The following SQSTM1 variants were observed in gnomAD, a reference collection of about 807,000 sequenced individuals.
SQSTM1 encodes sequestosome 1, also known as sequestosome-1.
A neutral mutation model predicts 45.1 loss-of-function variants in SQSTM1; 36 were observed. The observed-to-expected ratio is 0.80, with a 90% CI of 0.61 to 1.05. The LOEUF is 1.05. Among genes scored for constraint, SQSTM1 ranks in the 50% least tolerant of loss-of-function variants. The pLI, the probability that SQSTM1 is intolerant of heterozygous loss-of-function variation, is 0.00. For synonymous variants in SQSTM1, 290 were observed against 244.3 expected, an observed-to-expected ratio of 1.19 and a Z score of -1.74; for missense variants, 617 against 607.1, an observed-to-expected ratio of 1.02 and a Z score of -0.17.
chr5:179,817,031 GC>G (rs1757601054), upstream of SQSTM1, among the ~76,000 whole-genome samples: 1 of 152,010 alleles, frequency 6.6e-6, no homozygotes, highest in African/African-American at 2.4e-5. Flanking sequence ...CCCCGGGCAG[GC>G]CACTTCTGAC....
chr5:179,825,960 C>T (rs558293520), intron 5 of SQSTM1, among the ~76,000 whole-genome samples: 1 of 152,292 alleles, frequency 6.6e-6, no homozygotes, highest in South Asian at 2.1e-4. Context: ...TCTGTGATGG[C>T]AGATGGATCG....
At chr5:179,822,883 C>A in intron 1 of SQSTM1, 75 bp from the exon 2 acceptor site, 1 of 1,287,160 alleles carries the variant, frequency 7.8e-7, no homozygotes, top group Non-Finnish European at 1.1e-6. Context: ...TTCATACTTG[C>A]CTCAGCCCAT....
intron 1 of SQSTM1, among the ~76,000 whole-genome samples, chr5:179,822,311 G>C (rs1757812526): frequency 6.6e-6 from 1 of 152,064 alleles, no homozygotes; most frequent in South Asian, 2.1e-4. Flanking sequence ...GCCATGTTTT[G>C]TTTACCTGTT....
At chr5:179,833,315 C>T (rs2113511491) in intron 6 of SQSTM1, 69 bp downstream of exon 6, 1 of 1,427,716 alleles carries the variant, frequency 7.0e-7, no homozygotes, top group Non-Finnish European at 9.5e-7. Context: ...GCACCTCCGC[C>T]TCATCCTCAG....
Position 179,833,192 on chromosome 5 carries a change from G to C in SQSTM1, c.915G>C (p.Gln305His), listed in dbSNP as rs1415904682. ...KPGGNVEGATQSLAEQMRKIA... is the reference protein window; with the variant it reads ...KPGGNVEGATHSLAEQMRKIA... ...GTGGGAATGTTGAGGGCGCCACGCAGTCTCTGGCGGAGCAGATGAGGAAGA... is the reference window on the plus strand; with the variant it reads ...GTGGGAATGTTGAGGGCGCCACGCACTCTCTGGCGGAGCAGATGAGGAAGA... The change falls in exon 6 of 8, where the codon CAG becomes CAC. Residue 305 changes from glutamine (Q) to histidine (H), a missense_variant. Gln to His is a conservative substitution (Grantham distance 24). Transcript: ENST00000389805. The C allele has an allele frequency of 6.2e-7, 1 of 1,613,150 alleles. No homozygotes were observed. The highest frequency in any genetic ancestry group is 8.5e-7 in the Non-Finnish European group (1 of 1,179,700).
In SQSTM1 at chr5:179,821,809, A is replaced by G. The variant is rs919137759; in HGVS notation, c.205+668A>G. ...TGTTTCCTGCTGCGCTGGTGTGACC[A>G]GTGGCTGCTGGGGGTGGGGTTAGGG... On this transcript the variant is annotated intron_variant, in intron 1 of 7. Coordinates refer to ENST00000389805, the MANE Select transcript of SQSTM1 (RefSeq NM_003900.5). The G allele has an allele frequency of 5.8e-5, 17 of 294,806 alleles. 1 individual carries two copies. Among genetic ancestry groups the G allele is most frequent in the South Asian group, 4.1e-4 (17 of 41,234 alleles). The allele number at this position is 294,806 out of a possible 1,614,324, so 18.3% of individuals were successfully genotyped here. A position where few individuals can be genotyped will look rare whatever the true frequency, so the allele number is the denominator to read the frequency against.
chr5:179,817,396 C>T (rs1456849589), upstream of SQSTM1, among the ~76,000 whole-genome samples: 1 of 152,202 alleles, frequency 6.6e-6, no homozygotes, highest in African/African-American at 2.4e-5. Context: ...TGGCCATGTC[C>T]CCCGGCATGG....
At position 179,806,509 on chromosome 5, in the gene SQSTM1, G is replaced by C; in HGVS notation, c.-239G>C. The C allele has an allele frequency of 7.5e-7, 1 of 1,327,408 alleles. No homozygotes were observed. Among genetic ancestry groups the C allele is most frequent in the Non-Finnish European group, 9.9e-7 (1 of 1,013,416 alleles). The allele number at this position is 1,327,408 out of a possible 1,614,324, so 82.2% of individuals were successfully genotyped here. ...CACCTTTCTGGCCGCTGAGTGCCGCGTACCAGGACAGCGAGAGGAAGGCGC... is the reference window on the plus strand; with the variant it reads ...CACCTTTCTGGCCGCTGAGTGCCGCCTACCAGGACAGCGAGAGGAAGGCGC... On this transcript the variant is annotated 5_prime_UTR_variant, in exon 1 of 6. Transcript: ENST00000514093. This position sits in a 1 kb window ranked among gnomAD's most constrained non-coding sequence, Gnocchi z 4.6.
chr5:179,829,033 G>C (rs1758108715), intron 5 of SQSTM1, among the ~76,000 whole-genome samples: 1 of 152,294 alleles, frequency 6.6e-6, no homozygotes. Flanking sequence ...ACAGGAACAA[G>C]GGGGGAGGGT....
rs1156887717 is a variant in SQSTM1 at position 179,806,454 on chromosome 5, G to T, written c.-294G>T. The stretch of plus-strand genomic sequence containing the variant: ...GCTCCCGCCGCCGACGCCCAGGTGC[G>T]CCAGGTGCGGGCCGGGCGGGGGTCG... On this transcript the variant is annotated 5_prime_UTR_variant, in exon 1 of 6. Coordinates refer to the SQSTM1 transcript ENST00000514093. The surrounding 1 kb of genome is among the most constrained non-coding windows in gnomAD (Gnocchi z 4.6). 3 of 1,214,522 alleles carry T rather than the reference G, an allele frequency of 2.5e-6. No homozygotes were observed. The highest frequency in any genetic ancestry group is 3.2e-5 in the African/African-American group (2 of 62,182). The allele number at this position is 1,214,522 out of a possible 1,614,324, so 75.2% of individuals were successfully genotyped here.
At chr5:179,820,873 G>A (rs562237609), upstream of SQSTM1, 19 of 1,376,542 alleles carry the variant, frequency 1.4e-5, no homozygotes, top group African/African-American at 4.5e-5. Flanking sequence ...CTCCGCGTTC[G>A]CTACAAAAGC....
chr5:179,831,023 G>A (rs778501906), intron 5 of SQSTM1, among the ~76,000 whole-genome samples: 1 of 152,190 alleles, frequency 6.6e-6, no homozygotes, highest in Admixed American at 6.5e-5. Context: ...TCTATACCCA[G>A]CTAAAACGAT....
At chr5:179,831,763 G>A (rs899441547) in intron 5 of SQSTM1, among the ~76,000 whole-genome samples, 5 of 151,280 alleles carry the variant, frequency 3.3e-5, no homozygotes, top group African/African-American at 1.2e-4. Flanking sequence ...CATTTAGATA[G>A]AGGTCCTAGC....
chr5:179,811,892 C>T (rs1191783646), intron 2 of SQSTM1: 1 of 152,206 alleles, frequency 6.6e-6, no homozygotes, highest in Non-Finnish European at 1.5e-5. Context: ...GCAAGCTCCA[C>T]CTCCCGGGTT....
In SQSTM1 at chr5:179,823,189, C is replaced by T. The variant is rs1485720484; in HGVS notation, c.301+136C>T. 3 of 838,024 alleles carry T rather than the reference C, an allele frequency of 3.6e-6. No homozygotes were observed. The African/African-American group carries it at 5.1e-5, about 14-fold the overall frequency. The allele number at this position is 838,024 out of a possible 1,614,324, so 51.9% of individuals were successfully genotyped here. On this transcript the variant is annotated intron_variant, in intron 2 of 7. Coordinates refer to ENST00000389805, the MANE Select transcript of SQSTM1 (RefSeq NM_003900.5). ...GGGCTGTTTAAGACAGAGACATAGG[C>T]CAGGTGTGGCTCACGCCTGTAATTC...
In SQSTM1 at chr5:179,823,957, C is replaced by T. The variant is rs372480231; in HGVS notation, c.401C>T (p.Pro134Leu). The stretch of plus-strand genomic sequence containing the variant: ...GTGATCTGCGATGGCTGCAATGGGC[C>T]TGTGGTAGGAACCCGCTACAAGTGC... Reference protein sequence around the residue: ...PNVICDGCNGPVVGTRYKCSV... With the variant: ...PNVICDGCNGLVVGTRYKCSV... Residue 134 changes from proline to leucine, a missense_variant, in exon 3 of 8, where the codon CCT becomes CTT. By Grantham distance (98) the Pro-to-Leu change is moderately conservative (BLOSUM62 -3). Coordinates refer to ENST00000389805, the MANE Select transcript of SQSTM1 (RefSeq NM_003900.5). The T allele has an allele frequency of 1.9e-6, 3 of 1,614,058 alleles. No individual in the cohort carries two copies. Among genetic ancestry groups the T allele is most frequent in the Non-Finnish European group, 2.5e-6 (3 of 1,180,048 alleles).
In SQSTM1 at chr5:179,806,971, C is replaced by CGCGGAGTCG. The variant is rs1395300444; in HGVS notation, c.-157+381_-157+389dup. On this transcript the variant is annotated intron_variant, in intron 1 of 5. Transcript: ENST00000514093. This position sits in a 1 kb window ranked among gnomAD's most constrained non-coding sequence, Gnocchi z 4.6. ...ATCTGGGGCCTGGATCTGGGGCCGC[C>CGCGGAGTCG]GCGGAGTCGACGGCGCAGGGCGGGG... The CGCGGAGTCG allele has an allele frequency of 6.7e-6, 1 of 148,258 alleles. No homozygotes were observed. The highest frequency in any genetic ancestry group is 2.4e-5 in the African/African-American group (1 of 40,946). 9.2% of individuals were successfully genotyped at this position (148,258 alleles called of 1,614,324 possible).
intron 5 of SQSTM1, among the ~76,000 whole-genome samples, chr5:179,829,721 G>A (rs1434593066): frequency 2.0e-5 from 3 of 152,352 alleles, no homozygotes; most frequent in African/African-American, 4.8e-5. Context: ...GTAGGAACAA[G>A]TCTAGAAGCC....
At chr5:179,820,901 C>G, upstream of SQSTM1, 8 of 1,470,496 alleles carry the variant, frequency 5.4e-6, no homozygotes, top group Non-Finnish European at 7.2e-6. Flanking sequence ...CGGCTGCGAC[C>G]GGGACGGCCC....
Sources: allele counts gnomAD v4.1 joint callset (sites outside exome capture counted in the v4.1 genomes callset), GRCh38; gene constraint gnomAD v4.1.1; non-coding constraint Gnocchi (gnomAD v3.1); transcripts MANE v1.5; gene names NCBI Gene and HGNC (gene_info 2026-07-23, HGNC 2026-07-21).